The following PCDHGA10 variants were observed in gnomAD, a reference collection of about 807,000 sequenced individuals.
PCDHGA10 encodes the protein protocadherin gamma-A10.
Under a neutral mutation model 59.5 loss-of-function variants are expected in PCDHGA10, and 42 were observed. The ratio of observed to expected loss-of-function variants is 0.71; its 90% CI spans 0.55 to 0.91. PCDHGA10 has a LOEUF of 0.91. PCDHGA10 is among the 40% of genes least tolerant of loss of function. The pLI, the probability that PCDHGA10 is intolerant of heterozygous loss-of-function variation, is 0.00. For missense variants in PCDHGA10, 1,111 were observed against 1,198.2 expected, an observed-to-expected ratio of 0.93 and a Z score of 1.07; for synonymous variants, 511 against 517.2, an observed-to-expected ratio of 0.99 and a Z score of 0.16.
chr5:141,424,966 T>G (rs913951031), intron 1 of PCDHGA10, among the ~76,000 whole-genome samples: 17 of 152,174 alleles, frequency 1.1e-4, no homozygotes, highest in African/African-American at 3.9e-4. Flanking sequence ...TTGCCCCAAA[T>G]TACTTGGATA....
intron 1 of PCDHGA10, chr5:141,421,458 T>C (rs2096575080): frequency 6.2e-7 from 1 of 1,614,122 alleles, no homozygotes; most frequent in Non-Finnish European, 8.5e-7. Flanking sequence ...AGCTTTTCGC[T>C]GTGAATCCGC....
At position 141,486,694 on chromosome 5, in the gene PCDHGA10, C is replaced by T. The variant is rs1275794121; in HGVS notation, c.2437-8113C>T. ...ATCGAGATGTATCAGCTTCCTCTTTCATCTCTCTGAACCCCCAGACAGGAG... is the reference window on the plus strand; with the variant it reads ...ATCGAGATGTATCAGCTTCCTCTTTTATCTCTCTGAACCCCCAGACAGGAG... On this transcript the variant is annotated intron_variant, in intron 1 of 3. Transcript: ENST00000398610. This position sits in a 1 kb window ranked among gnomAD's most constrained non-coding sequence, Gnocchi z 5.0. 1.2e-6 allele frequency: 2 copies of T among 1,614,168 alleles called. No individual in the cohort carries two copies. Among genetic ancestry groups the T allele is most frequent in the Non-Finnish European group, 1.7e-6 (2 of 1,180,044 alleles).
In PCDHGA10 at chr5:141,489,117, T is replaced by A; in HGVS notation, c.2437-5690T>A. On this transcript the variant is annotated intron_variant, in intron 1 of 3. Coordinates refer to ENST00000398610, the MANE Select transcript of PCDHGA10 (RefSeq NM_018913.3). The surrounding 1 kb of genome is among the most constrained non-coding windows in gnomAD (Gnocchi z 4.5). ...AAGAACTGCTGCAAGCAGGCAAACCTCCGAGCAGTTTTTAAGAGGCTGGAA... is the reference window on the plus strand; with the variant it reads ...AAGAACTGCTGCAAGCAGGCAAACCACCGAGCAGTTTTTAAGAGGCTGGAA... The A allele has an allele frequency of 1.4e-5, 5 of 370,102 alleles. No homozygotes were observed. The highest frequency in any genetic ancestry group is 2.3e-5 in the Non-Finnish European group (5 of 214,436). 22.9% of individuals were successfully genotyped at this position (370,102 alleles called of 1,614,324 possible).
At chr5:141,479,186 T>A (rs956575218) in intron 1 of PCDHGA10, 1 of 152,590 alleles carries the variant, frequency 6.6e-6, no homozygotes, top group Non-Finnish European at 1.5e-5. Flanking sequence ...GCTAGAAAAT[T>A]CAGAAAATAC....
intron 1 of PCDHGA10, chr5:141,419,308 C>G: frequency 6.2e-7 from 1 of 1,614,026 alleles, no homozygotes; most frequent in Non-Finnish European, 8.5e-7. Flanking sequence ...ACTTCGGGCT[C>G]AACGGCCGTG....
intron 1 of PCDHGA10, chr5:141,427,868 C>T (rs1311930991): frequency 4.5e-6 from 7 of 1,559,298 alleles, no homozygotes; most frequent in African/African-American, 2.7e-5. Context: ...CCTTCGAGCT[C>T]ACGATGCAGG....
At chr5:141,435,214 A>C (rs1314928643) in intron 1 of PCDHGA10, among the ~76,000 whole-genome samples, 1 of 152,176 alleles carries the variant, frequency 6.6e-6, no homozygotes, top group Non-Finnish European at 1.5e-5. Flanking sequence ...AAGTGAATTT[A>C]CTTTCTTTCA....
intron 1 of PCDHGA10, chr5:141,430,974 C>G: frequency 6.2e-7 from 1 of 1,613,072 alleles, no homozygotes; most frequent in East Asian, 2.2e-5. Flanking sequence ...AGAGGTAGGA[C>G]GCAGCTTTTC....
chr5:141,488,751 C>T (rs1185515068), intron 1 of PCDHGA10, among the ~76,000 whole-genome samples: 1 of 152,154 alleles, frequency 6.6e-6, no homozygotes, highest in Non-Finnish European at 1.5e-5. Context: ...CAGGAAGTTG[C>T]TGGGACAGAA....
At position 141,431,433 on chromosome 5, in the gene PCDHGA10, C is replaced by T; in HGVS notation, c.2436+15822C>T. ...GGGGGCGACCCGGTGCGCACAGGCA[C>T]CGCGCGCATCCGCGTGATGGTTCTG... On this transcript the variant is annotated intron_variant, in intron 1 of 3. Transcript: ENST00000398610. This position sits in a 1 kb window ranked among gnomAD's most constrained non-coding sequence, Gnocchi z 4.8. 1.9e-6 allele frequency: 3 copies of T among 1,613,716 alleles called. No homozygotes were observed. The highest frequency in any genetic ancestry group is 2.5e-6 in the Non-Finnish European group (3 of 1,180,028).
Position 141,491,680 on chromosome 5 carries a change from A to G in PCDHGA10, c.2437-3127A>G. The G allele has an allele frequency of 6.2e-7, 1 of 1,613,304 alleles. No individual in the cohort carries two copies. The highest frequency in any genetic ancestry group is 2.2e-5 in the East Asian group (1 of 44,820). ...TGACGCCATCCGGTCCCGCTCTAATACGCTGCGGGAGCGGAGCCAGGTGAG... is the reference window on the plus strand; with the variant it reads ...TGACGCCATCCGGTCCCGCTCTAATGCGCTGCGGGAGCGGAGCCAGGTGAG... On this transcript the variant is annotated intron_variant, in intron 1 of 3. Transcript: ENST00000398610. The surrounding 1 kb of genome is among the most constrained non-coding windows in gnomAD (Gnocchi z 6.9).
chr5:141,444,545 C>G (rs1346405150), intron 1 of PCDHGA10, among the ~76,000 whole-genome samples: 1 of 152,042 alleles, frequency 6.6e-6, no homozygotes, highest in Non-Finnish European at 1.5e-5. Context: ...GTCTAGTGAG[C>G]AAAAGGCACT....
At chr5:141,482,602 C>T (rs2099569087) in intron 1 of PCDHGA10, among the ~76,000 whole-genome samples, 1 of 142,506 alleles carries the variant, frequency 7.0e-6, no homozygotes, top group Non-Finnish European at 1.5e-5. Flanking sequence ...CGGGAAAAAA[C>T]ACCTAAATGA....
At chr5:141,474,965 A>G (rs1268347441) in intron 1 of PCDHGA10, among the ~76,000 whole-genome samples, 1 of 152,236 alleles carries the variant, frequency 6.6e-6, no homozygotes, top group Non-Finnish European at 1.5e-5. Context: ...TATCCTAATC[A>G]TTATAATTTT....
chr5:141,475,577 T>C (rs2099365697), intron 1 of PCDHGA10, among the ~76,000 whole-genome samples: 1 of 152,228 alleles, frequency 6.6e-6, no homozygotes, highest in Non-Finnish European at 1.5e-5. Context: ...ACAAGCCAGA[T>C]TTGTTGGTGT....
intron 1 of PCDHGA10, chr5:141,421,807 G>C (rs1435916603): frequency 6.2e-7 from 1 of 1,613,852 alleles, no homozygotes; most frequent in Admixed American, 1.7e-5. Flanking sequence ...CAAGAATCCA[G>C]AGCTAGTACT....
chr5:141,454,796 ATTTTTT>A (rs61612330), intron 1 of PCDHGA10, among the ~76,000 whole-genome samples: 41 of 77,454 alleles, frequency 5.3e-4, no homozygotes, highest in African/African-American at 1.7e-3. Context: ...CATGGTTCTA[ATTTTTT>A]TTTTTTTTTT....
At chr5:141,426,174 G>A (rs1213063298) in intron 1 of PCDHGA10, 1 of 155,354 alleles carries the variant, frequency 6.4e-6, no homozygotes, top group Non-Finnish European at 1.4e-5. Flanking sequence ...ACGGATTGGG[G>A]TGCCCTCAAA....
intron 1 of PCDHGA10, chr5:141,419,030 C>G (rs1178461733): frequency 5.0e-6 from 8 of 1,613,768 alleles, no homozygotes; most frequent in Non-Finnish European, 6.8e-6. Context: ...TAGAGGTGTT[C>G]CATTTAAGAT....
Sources: gnomAD v4.1 joint callset for allele counts (sites outside exome capture counted in the v4.1 genomes callset) on GRCh38, gnomAD v4.1.1 for gene constraint, Gnocchi (gnomAD v3.1) non-coding constraint, MANE v1.5 for transcripts, NCBI Gene and HGNC (gene_info 2026-07-23, HGNC 2026-07-21) for gene names.